The following DIS3L2 variants were observed in gnomAD, a reference collection of about 807,000 sequenced individuals.
DIS3L2 encodes DIS3-like exonuclease 2.
DIS3L2 carries 34 observed loss-of-function variants against 97.5 expected under a neutral mutation model. The observed-to-expected ratio is 0.35, with a 90% CI of 0.27 to 0.46. The LOEUF is 0.46. DIS3L2 is among the 20% of genes least tolerant of loss of function. The pLI is 1.00. For missense variants in DIS3L2, 1,038 were observed against 1,146.0 expected (o/e 0.91, Z 1.36); for synonymous variants, 435 against 445.2 (o/e 0.98, Z 0.29).
In DIS3L2 at chr2:232,211,988, C is replaced by G. The variant is rs116818787; in HGVS notation, c.1204+1583C>G. Among the ~76,000 whole-genome samples, 1,317 of 152,162 alleles carry G rather than the reference C, an allele frequency of 8.7e-3. 17 individuals carry two copies. The highest frequency in any genetic ancestry group is 0.03 in the African/African-American group (1,232 of 41,500). On this transcript the variant is annotated intron_variant, in intron 10 of 20. Transcript: ENST00000325385. Reference sequence around the variant, plus strand: ...CCTGGGCCTCCCAAAGCACGAGCCACTATGGGATTACAAGCACGAGCCACT... The same window carrying G: ...CCTGGGCCTCCCAAAGCACGAGCCAGTATGGGATTACAAGCACGAGCCACT...
intron 5 of DIS3L2, among the ~76,000 whole-genome samples, chr2:232,034,258 G>T (rs1694891369): frequency 6.6e-6 from 1 of 152,126 alleles, no homozygotes; most frequent in Non-Finnish European, 1.5e-5. Flanking sequence ...TTGTGTAGAG[G>T]TGTTTATAGT....
intron 14 of DIS3L2, among the ~76,000 whole-genome samples, chr2:232,317,623 G>T: frequency 6.6e-6 from 1 of 152,122 alleles, no homozygotes; most frequent in East Asian, 1.9e-4. Context: ...TTTTAGTAGA[G>T]ATGGGGTTTC....
chr2:231,981,634 ATAT>A (rs1693264099), intron 1 of DIS3L2, among the ~76,000 whole-genome samples: 3 of 138,222 alleles, frequency 2.2e-5, no homozygotes, highest in South Asian at 4.4e-4. Flanking sequence ...ATATATATAT[ATAT>A]GAGACATATT....
intron 9 of DIS3L2, among the ~76,000 whole-genome samples, chr2:232,206,163 G>T (rs1320035454): frequency 1.3e-5 from 2 of 152,230 alleles, no homozygotes; most frequent in African/African-American, 4.8e-5. Context: ...GTCCCACAAA[G>T]AAGTGCCAGG....
At chr2:232,083,154 G>T (rs141557305) in intron 5 of DIS3L2, among the ~76,000 whole-genome samples, 1 of 152,084 alleles carries the variant, frequency 6.6e-6, no homozygotes, top group African/African-American at 2.4e-5. Flanking sequence ...TGAGATTTGG[G>T]TGGGGGCACA....
chr2:232,307,391 T>C (rs1695014495), intron 14 of DIS3L2: 1 of 152,232 alleles, frequency 6.6e-6, no homozygotes, highest in African/African-American at 2.4e-5. Context: ...ACACATGACA[T>C]CAGGGAAACT....
At chr2:232,135,702 G>A (rs1698336405) in intron 7 of DIS3L2, among the ~76,000 whole-genome samples, 1 of 152,066 alleles carries the variant, frequency 6.6e-6, no homozygotes, top group African/African-American at 2.4e-5. Context: ...CAGACAGGCT[G>A]AGATTCCACA....
At chr2:232,096,212 G>A (rs1431426904) in intron 6 of DIS3L2, among the ~76,000 whole-genome samples, 4 of 151,234 alleles carry the variant, frequency 2.6e-5, no homozygotes, top group African/African-American at 7.3e-5. Flanking sequence ...TCGGCCTCCC[G>A]AGTAGCTGGG....
At chr2:232,329,669 A>G (rs1470695042) in intron 14 of DIS3L2, 144 bp from the exon 15 acceptor site, 2 of 826,594 alleles carry the variant, frequency 2.4e-6, no homozygotes, top group Non-Finnish European at 3.6e-6. Flanking sequence ...GGCGGAACAC[A>G]TGAGATGAGG....
At chr2:232,176,364 C>G (rs1691152254) in intron 9 of DIS3L2, among the ~76,000 whole-genome samples, 1 of 152,142 alleles carries the variant, frequency 6.6e-6, no homozygotes, top group Admixed American at 6.5e-5. Context: ...TTTTGGTCAG[C>G]TTAGCTCAGG....
At chr2:232,063,361 G>GA (rs1309635607) in intron 5 of DIS3L2, among the ~76,000 whole-genome samples, 2 of 152,046 alleles carry the variant, frequency 1.3e-5, no homozygotes, top group African/African-American at 4.8e-5. Context: ...ATCAAGTTGA[G>GA]AAAAAAAGAA....
intron 14 of DIS3L2, among the ~76,000 whole-genome samples, chr2:232,301,790 C>G (rs2106322750): frequency 6.9e-6 from 1 of 144,744 alleles, no homozygotes; most frequent in South Asian, 2.3e-4. Flanking sequence ...CTGGTGGCAA[C>G]AACTTATGTT....
intron 1 of DIS3L2, among the ~76,000 whole-genome samples, chr2:231,968,374 C>T (rs1260715312): frequency 1.3e-5 from 2 of 152,206 alleles, no homozygotes; most frequent in African/African-American, 4.8e-5. Context: ...GGATTACAGG[C>T]GTGAGCCACT....
chr2:232,308,219 G>A (rs1457030636), intron 14 of DIS3L2, among the ~76,000 whole-genome samples: 1 of 152,206 alleles, frequency 6.6e-6, no homozygotes, highest in African/African-American at 2.4e-5. Context: ...CTGAATACCT[G>A]CCTGATTGGC....
intron 9 of DIS3L2, among the ~76,000 whole-genome samples, chr2:232,200,405 T>C (rs986306384): frequency 1.3e-5 from 2 of 152,120 alleles, no homozygotes; most frequent in African/African-American, 2.4e-5. Flanking sequence ...CAGAAGGAAT[T>C]TGGGCTCCTT....
chr2:232,197,786 G>A (rs1242975352), intron 9 of DIS3L2, among the ~76,000 whole-genome samples: 2 of 151,954 alleles, frequency 1.3e-5, no homozygotes, highest in East Asian at 3.9e-4. Context: ...GGCCAACATG[G>A]TGAAACCCCG....
At chr2:232,091,998 A>G (rs572435212) in intron 6 of DIS3L2, among the ~76,000 whole-genome samples, 6 of 152,274 alleles carry the variant, frequency 3.9e-5, no homozygotes, top group South Asian at 4.1e-4. Flanking sequence ...AGTTTCTCCA[A>G]TGTTTTCTTT....
intron 6 of DIS3L2, among the ~76,000 whole-genome samples, chr2:232,128,198 C>T (rs1301432460): frequency 6.6e-6 from 1 of 152,040 alleles, no homozygotes; most frequent in African/African-American, 2.4e-5. Flanking sequence ...TGAAGTGATC[C>T]TCCCACTTCA....
At chr2:232,264,302 G>A (rs1328599550) in intron 13 of DIS3L2, among the ~76,000 whole-genome samples, 1 of 152,210 alleles carries the variant, frequency 6.6e-6, no homozygotes, top group Non-Finnish European at 1.5e-5. Flanking sequence ...GGCAGTTAGG[G>A]ACCCCTGCTG....
Sources: allele counts gnomAD v4.1 joint callset (sites outside exome capture counted in the v4.1 genomes callset), GRCh38; gene constraint gnomAD v4.1.1; transcripts MANE v1.5; gene names NCBI Gene and HGNC (gene_info 2026-07-23, HGNC 2026-07-21).